Variants in ADAMTS12 observed in about 807,000 individuals in gnomAD.
ADAMTS12 encodes the protein A disintegrin and metalloproteinase with thrombospondin motifs 12.
A neutral mutation model predicts 167.8 loss-of-function variants in ADAMTS12; 118 were observed. That is an observed-to-expected ratio of 0.70 (90% CI 0.61 to 0.82). The LOEUF (loss-of-function observed/expected upper bound fraction) is 0.82. ADAMTS12 is among the 40% of genes least tolerant of loss of function. ADAMTS12 has a pLI of 0.00. For synonymous variants in ADAMTS12, 704 were observed against 716.9 expected (o/e 0.98, Z 0.29); for missense variants, 1,916 against 1,998.8 (o/e 0.96, Z 0.79).
chr5:33,882,026 C>T (rs1750467321), intron 1 of ADAMTS12, among the ~76,000 whole-genome samples: 1 of 152,082 alleles, frequency 6.6e-6, no homozygotes, highest in Admixed American at 6.5e-5. Context: ...TTACCAGAGA[C>T]ACATTAAGAT....
chr5:33,652,250 T>A (rs1352388146), intron 7 of ADAMTS12, among the ~76,000 whole-genome samples: 1 of 152,198 alleles, frequency 6.6e-6, no homozygotes, highest in African/African-American at 2.4e-5. Context: ...ACCACAGTGG[T>A]GTATAAGCAT....
intron 3 of ADAMTS12, among the ~76,000 whole-genome samples, chr5:33,742,915 A>G (rs573881499): frequency 6.6e-6 from 1 of 152,380 alleles, no homozygotes; most frequent in Admixed American, 6.5e-5. Context: ...CAATACACAA[A>G]TAAGCAGCTA....
At chr5:33,676,679 A>G (rs933996783) in intron 5 of ADAMTS12, among the ~76,000 whole-genome samples, 1 of 88,466 alleles carries the variant, frequency 1.1e-5, no homozygotes, top group Non-Finnish European at 2.1e-5. Flanking sequence ...GACTCTGTCT[A>G]TCTTACACAC....
chr5:33,622,883 T>A (rs1224942370), intron 14 of ADAMTS12, among the ~76,000 whole-genome samples: 1 of 152,136 alleles, frequency 6.6e-6, no homozygotes. Flanking sequence ...GTATTTTTCA[T>A]CCATAATAAA....
rs76474930 is a variant in ADAMTS12 at position 33,669,091 on chromosome 5, A to G, written c.916-7051T>C. Among the ~76,000 whole-genome samples the G allele has an allele frequency of 7.9e-3, 1,205 of 152,322 alleles. 11 individuals are homozygous for G. Among genetic ancestry groups the G allele is most frequent in the African/African-American group, 0.028 (1,168 of 41,568 alleles). On this transcript the variant is annotated intron_variant, in intron 5 of 23. Coordinates refer to ENST00000504830, the MANE Select transcript of ADAMTS12 (RefSeq NM_030955.4). Reference sequence around the variant, plus strand: ...TGCATTCCTTTGAAAATAGAAAAACAATGGTCTGAAAGTAATCAATACAAT... The same window carrying G: ...TGCATTCCTTTGAAAATAGAAAAACGATGGTCTGAAAGTAATCAATACAAT...
At chr5:33,743,135 G>A (rs943041250) in intron 3 of ADAMTS12, among the ~76,000 whole-genome samples, 10 of 152,198 alleles carry the variant, frequency 6.6e-5, no homozygotes, top group Admixed American at 6.5e-4. Context: ...GCCCTGCAGT[G>A]AGCCCACTTC....
intron 2 of ADAMTS12, among the ~76,000 whole-genome samples, chr5:33,821,901 T>C (rs573625933): frequency 3.6e-4 from 55 of 152,312 alleles, no homozygotes; most frequent in South Asian, 8.3e-4. Context: ...AGCTCTTCAT[T>C]TAGAACTGAT....
At chr5:33,677,126 G>T (rs906440897) in intron 5 of ADAMTS12, among the ~76,000 whole-genome samples, 6 of 152,102 alleles carry the variant, frequency 3.9e-5, no homozygotes, top group African/African-American at 1.4e-4. Flanking sequence ...CCCTGATTTT[G>T]TCCTTTAGGT....
chr5:33,693,176 A>C (rs1270013707), intron 3 of ADAMTS12, among the ~76,000 whole-genome samples: 2 of 152,216 alleles, frequency 1.3e-5, no homozygotes, highest in Non-Finnish European at 2.9e-5. Context: ...AAATACATTT[A>C]TGTTCTTCCC....
At chr5:33,792,274 G>T (rs1746605185) in intron 2 of ADAMTS12, among the ~76,000 whole-genome samples, 1 of 152,138 alleles carries the variant, frequency 6.6e-6, no homozygotes, top group Admixed American at 6.5e-5. Context: ...GGGATCACAG[G>T]CATAAGCCAC....
intron 23 of ADAMTS12, among the ~76,000 whole-genome samples, chr5:33,534,148 C>T (rs944215067): frequency 1.3e-5 from 2 of 152,188 alleles, no homozygotes; most frequent in African/African-American, 4.8e-5. Context: ...ATTCACTTCT[C>T]CTGGGGTAGC....
intron 5 of ADAMTS12, among the ~76,000 whole-genome samples, chr5:33,682,760 G>A (rs1233607983): frequency 2.0e-5 from 3 of 152,240 alleles, no homozygotes; most frequent in African/African-American, 2.4e-5. Context: ...TAGTGACTGC[G>A]GTGAGTCTCA....
intron 16 of ADAMTS12, among the ~76,000 whole-genome samples, chr5:33,597,763 C>A (rs192473529): frequency 6.6e-6 from 1 of 151,948 alleles, no homozygotes; most frequent in African/African-American, 2.4e-5. Context: ...TAACAGATGT[C>A]GGTGGAATAG....
chr5:33,652,904 G>C (rs954559112), intron 7 of ADAMTS12, among the ~76,000 whole-genome samples: 3 of 152,110 alleles, frequency 2.0e-5, no homozygotes, highest in Non-Finnish European at 4.4e-5. Flanking sequence ...TGTAGACTTA[G>C]TCAAAGATCA....
At chr5:33,544,322 T>G (rs1269294537) in intron 22 of ADAMTS12, among the ~76,000 whole-genome samples, 1 of 152,102 alleles carries the variant, frequency 6.6e-6, no homozygotes, top group Non-Finnish European at 1.5e-5. Flanking sequence ...ATGGACCTCT[T>G]CAAGGAGAAC....
At chr5:33,631,393 C>A (rs1165535212) in intron 12 of ADAMTS12, among the ~76,000 whole-genome samples, 2 of 152,264 alleles carry the variant, frequency 1.3e-5, no homozygotes, top group Middle Eastern at 3.4e-3. Context: ...CCACAACCTC[C>A]ATCACCACCA....
chr5:33,662,130 G>A lies in ADAMTS12; in HGVS notation c.916-90C>T, dbSNP rs925369518. On this transcript the variant is annotated intron_variant, in intron 5 of 23. Coordinates refer to ENST00000504830, the MANE Select transcript of ADAMTS12 (RefSeq NM_030955.4). Reference sequence around the variant, plus strand: ...GGCATTCATCTCCAGAGGTGTCCAAGTGAGATGAATTCAGGGTGGGTGCAT... The same window carrying A: ...GGCATTCATCTCCAGAGGTGTCCAAATGAGATGAATTCAGGGTGGGTGCAT... 41 of 1,518,528 alleles carry A rather than the reference G, an allele frequency of 2.7e-5. No homozygotes were observed. The East Asian group carries it at 8.4e-4, about 31-fold the overall frequency. The allele number at this position is 1,518,528 out of a possible 1,614,324, so 94.1% of individuals were successfully genotyped here. A position where few individuals can be genotyped will look rare whatever the true frequency, so the allele number is the denominator to read the frequency against.
Position 33,526,006 on chromosome 5 carries a change from T to A in ADAMTS12, c.*1182A>T, listed in dbSNP as rs1743796059. The A allele has an allele frequency of 6.6e-6, 1 of 152,230 alleles. No individual in the cohort carries two copies. Among genetic ancestry groups the A allele is most frequent in the Non-Finnish European group, 1.5e-5 (1 of 68,042 alleles). 9.4% of individuals were successfully genotyped at this position (152,230 alleles called of 1,614,324 possible). ...TTCTTTGGACTCCCTGATTCACCTG[T>A]TCTCCCCAAAGTAAAAGATCTTTAA... On this transcript the variant is annotated 3_prime_UTR_variant, in exon 24 of 24. Transcript: ENST00000504830.
At chr5:33,631,952 C>T (rs1039221030) in intron 12 of ADAMTS12, among the ~76,000 whole-genome samples, 1 of 152,080 alleles carries the variant, frequency 6.6e-6, no homozygotes, top group Non-Finnish European at 1.5e-5. Flanking sequence ...GCACCAAATG[C>T]CAAGCCTGAG....
Sources: gnomAD v4.1 joint callset for allele counts (sites outside exome capture counted in the v4.1 genomes callset) on GRCh38, gnomAD v4.1.1 for gene constraint, MANE v1.5 for transcripts, NCBI Gene and HGNC (gene_info 2026-07-23, HGNC 2026-07-21) for gene names.